The following DPY19L3 variants were observed in gnomAD, a reference collection of about 807,000 sequenced individuals.
The protein encoded by DPY19L3 is dpy-19 like C-mannosyltransferase 3.
Under a neutral mutation model 92.3 loss-of-function variants are expected in DPY19L3, and 51 were observed. The observed-to-expected ratio is 0.55, with a 90% CI of 0.44 to 0.70. The LOEUF (loss-of-function observed/expected upper bound fraction) is 0.70. Ranked by LOEUF, DPY19L3 falls within the 30% of genes least tolerant of loss-of-function variation. The pLI is 0.00. For synonymous variants in DPY19L3, 309 were observed against 315.2 expected (o/e 0.98, Z 0.21); for missense variants, 706 against 855.9 (o/e 0.82, Z 2.18).
rs1393469647 is a variant in DPY19L3, at chr19:32,483,971, T to C, written c.*1731T>C. On this transcript the variant is annotated 3_prime_UTR_variant, in exon 19 of 19. Coordinates refer to ENST00000392250, the MANE Select transcript of DPY19L3 (RefSeq NM_001172774.2). ...CAATATGTTAGACTCTGTGATTTTGTTTTCAAAATCCTCTGTTATGGCTAT... is the reference window on the plus strand; with the variant it reads ...CAATATGTTAGACTCTGTGATTTTGCTTTCAAAATCCTCTGTTATGGCTAT... The C allele has an allele frequency of 6.6e-6, 1 of 152,620 alleles. No individual in the cohort carries two copies. Among genetic ancestry groups the C allele is most frequent in the East Asian group, 1.9e-4 (1 of 5,192 alleles). The allele number at this position is 152,620 out of a possible 1,614,324, so 9.5% of individuals were successfully genotyped here.
chr19:32,481,994 A>G, intron 18 of DPY19L3, 85 bp from the exon 19 acceptor site: 1 of 1,456,294 alleles, frequency 6.9e-7, no homozygotes, highest in Non-Finnish European at 9.3e-7. Context: ...TACCATTCTT[A>G]AACCCAATAC....
chr19:32,427,393 G>A (rs902945269), intron 3 of DPY19L3, among the ~76,000 whole-genome samples: 10 of 152,168 alleles, frequency 6.6e-5, no homozygotes, highest in African/African-American at 1.9e-4. Flanking sequence ...TGATAAGGAA[G>A]GCAGTTCTCC....
intron 12 of DPY19L3, among the ~76,000 whole-genome samples, chr19:32,463,020 T>C (rs183782901): frequency 6.6e-6 from 1 of 152,218 alleles, no homozygotes; most frequent in Non-Finnish European, 1.5e-5. Context: ...AAAATACTCA[T>C]AATAACTGGT....
chr19:32,437,478 A>G, intron 6 of DPY19L3, 139 bp downstream of exon 6: 1 of 976,446 alleles, frequency 1.0e-6, no homozygotes, highest in Non-Finnish European at 1.5e-6. Flanking sequence ...CTGGTGGTTT[A>G]CTCAATTTTT....
intron 15 of DPY19L3, among the ~76,000 whole-genome samples, chr19:32,466,560 C>T (rs552239253): frequency 1.1e-3 from 173 of 152,346 alleles, no homozygotes; most frequent in Non-Finnish European, 1.9e-3. Context: ...AAAATGTCAC[C>T]AGACATTGCC....
intron 16 of DPY19L3, among the ~76,000 whole-genome samples, chr19:32,471,916 C>G (rs1282809302): frequency 6.6e-6 from 1 of 152,196 alleles, no homozygotes; most frequent in South Asian, 2.1e-4. Flanking sequence ...TATTTCACAT[C>G]TGAAGTTGTG....
In DPY19L3 at chr19:32,463,902, G is replaced by A. The variant is rs1970121658; in HGVS notation, c.1479G>A (p.Val493=). 1 of 1,613,664 alleles carries A rather than the reference G, an allele frequency of 6.2e-7. No individual in the cohort carries two copies. The highest frequency in any genetic ancestry group is 1.7e-5 in the Admixed American group (1 of 60,002). Residue 493 remains valine, a synonymous_variant, in exon 14 of 19, where the codon GTG becomes GTA. Coordinates refer to ENST00000392250, the MANE Select transcript of DPY19L3 (RefSeq NM_001172774.2). ...MKYLWTSHMC[V]FASFGLCSPE... ...ACCTCTGGACGTCACACATGTGTGT[G>A]TTCGCATCATTCGGCCTATGTAGCC...
At chr19:32,438,699 T>A (rs930744929) in intron 6 of DPY19L3, among the ~76,000 whole-genome samples, 16 of 152,104 alleles carry the variant, frequency 1.1e-4, no homozygotes, top group African/African-American at 1.9e-4. Flanking sequence ...GAAGTTTTTT[T>A]AAAAAATACT....
rs937335634 is a variant in DPY19L3 at position 32,485,785 on chromosome 19, T to C, written c.*3545T>C. The C allele has an allele frequency of 2.0e-5, 3 of 152,214 alleles. No homozygotes were observed. In the East Asian group the frequency reaches 5.8e-4, roughly 29 times the overall value. The allele number at this position is 152,214 out of a possible 1,614,324, so 9.4% of individuals were successfully genotyped here. On this transcript the variant is annotated 3_prime_UTR_variant, in exon 19 of 19. Transcript: ENST00000392250. ...GTCTTACTTTCTTGTGGCAATTGAT[T>C]TTCTGTTTTAACACCCTTTGGGTAA...
chr19:32,455,612 G>T (rs1027192003), intron 10 of DPY19L3, among the ~76,000 whole-genome samples: 1 of 151,772 alleles, frequency 6.6e-6, no homozygotes, highest in Admixed American at 6.6e-5. Context: ...AAGTAAAGTG[G>T]CCTTACTATC....
chr19:32,459,329 A>G (rs1354546653), intron 12 of DPY19L3, among the ~76,000 whole-genome samples: 1 of 152,216 alleles, frequency 6.6e-6, no homozygotes, highest in Non-Finnish European at 1.5e-5. Flanking sequence ...TGAAAACTTA[A>G]TGAAGCTCAC....
At chr19:32,453,659 C>A (rs7258196) in intron 9 of DPY19L3, among the ~76,000 whole-genome samples, 2 of 151,836 alleles carry the variant, frequency 1.3e-5, no homozygotes, top group African/African-American at 4.8e-5. Context: ...CAGTCCTTCA[C>A]GTTGGTGGAT....
intron 17 of DPY19L3, among the ~76,000 whole-genome samples, chr19:32,479,947 T>C (rs1970623798): frequency 6.6e-6 from 1 of 152,224 alleles, no homozygotes; most frequent in South Asian, 2.1e-4. Context: ...TCTCCCCACC[T>C]ACCAGTTTCA....
chr19:32,469,625 A>G (rs915947533), intron 16 of DPY19L3, among the ~76,000 whole-genome samples: 5 of 152,200 alleles, frequency 3.3e-5, no homozygotes, highest in African/African-American at 1.2e-4. Flanking sequence ...TCATATTGCC[A>G]AAGCCTAGGA....
At chr19:32,473,431 A>T (rs550899171) in intron 16 of DPY19L3, among the ~76,000 whole-genome samples, 441 of 152,390 alleles carry the variant, frequency 2.9e-3, no homozygotes, top group Non-Finnish European at 4.7e-3. Context: ...CACAGACTGT[A>T]TCAGGCAAGA....
intron 2 of DPY19L3, among the ~76,000 whole-genome samples, chr19:32,409,945 T>A (rs1204950468): frequency 6.6e-6 from 1 of 152,184 alleles, no homozygotes; most frequent in Non-Finnish European, 1.5e-5. Flanking sequence ...CACAGCAGGG[T>A]ACATGCCTAG....
chr19:32,449,338 C>T (rs2145547145), intron 8 of DPY19L3, among the ~76,000 whole-genome samples: 1 of 152,262 alleles, frequency 6.6e-6, no homozygotes, highest in East Asian at 1.9e-4. Context: ...GTTAAGATGG[C>T]AGTGCCCCCC....
At chr19:32,463,760 A>G (rs1240296360) in intron 13 of DPY19L3, 109 bp from the exon 14 acceptor site, 1 of 1,000,672 alleles carries the variant, frequency 1.0e-6, no homozygotes, top group Non-Finnish European at 1.5e-6. Context: ...GCATAGTTTT[A>G]AGTAAGATTT....
intron 3 of DPY19L3, among the ~76,000 whole-genome samples, chr19:32,427,078 C>T (rs1371009695): frequency 6.6e-6 from 1 of 152,118 alleles, no homozygotes; most frequent in African/African-American, 2.4e-5. Context: ...ACTGTAGCCT[C>T]GACTTCCTGA....
Sources: gnomAD v4.1 joint callset for allele counts (sites outside exome capture counted in the v4.1 genomes callset) on GRCh38, gnomAD v4.1.1 for gene constraint, MANE v1.5 for transcripts, NCBI Gene and HGNC (gene_info 2026-07-23, HGNC 2026-07-21) for gene names.